The following GRHL2 variants were observed in gnomAD, a reference collection of about 807,000 sequenced individuals.
GRHL2 encodes the protein grainyhead-like protein 2 homolog.
A neutral mutation model predicts 83.8 loss-of-function variants in GRHL2; 21 were observed. The observed-to-expected ratio is 0.25, with a 90% CI of 0.18 to 0.36. GRHL2 has a LOEUF of 0.36. Ranked by LOEUF, GRHL2 falls within the 10% of genes least tolerant of loss-of-function variation. The probability of loss-of-function intolerance (pLI) is 1.00; values close to 1 mark genes in which losing one functional copy is unlikely to be tolerated. For synonymous variants in GRHL2, 280 were observed against 278.9 expected (o/e 1.00, Z -0.04); for missense variants, 623 against 781.8 (o/e 0.80, Z 2.42).
At chr8:101,585,977 G>A (rs559360248) in intron 7 of GRHL2, among the ~76,000 whole-genome samples, 1 of 151,830 alleles carries the variant, frequency 6.6e-6, no homozygotes, top group Admixed American at 6.6e-5. Flanking sequence ...GAAGGGTCAG[G>A]ATTCTATCCC....
At chr8:101,492,858 T>G (rs1809993596) in intron 1 of GRHL2, 69 bp downstream of exon 1, 19 of 1,437,836 alleles carry the variant, frequency 1.3e-5, no homozygotes, top group Non-Finnish European at 1.8e-5. Context: ...TGGTTTGTTA[T>G]GTTTTTGTTT....
intron 1 of GRHL2, among the ~76,000 whole-genome samples, chr8:101,495,600 T>C (rs778989009): frequency 3.0e-4 from 45 of 152,302 alleles, no homozygotes; most frequent in South Asian, 6.2e-4. Context: ...ATAAAATATA[T>C]TTAGAGAACG....
rs71276990 is a variant in GRHL2, at chr8:101,624,562, G to GAACA, written c.1257+4865_1257+4866insAACA. On this transcript the variant is annotated intron_variant, in intron 9 of 15. Coordinates refer to ENST00000646743, the MANE Select transcript of GRHL2 (RefSeq NM_024915.4). Reference sequence around the variant, plus strand: ...GTACACAGTAGGACAGTACACAGTAGGACAGTACACAGTAGAACAGTTCAC... The same window carrying GAACA: ...GTACACAGTAGGACAGTACACAGTAGAACAGACAGTACACAGTAGAACAGTTCAC... Among the ~76,000 whole-genome samples the GAACA allele has an allele frequency of 6.6e-5, 10 of 150,548 alleles. 1 individual carries two copies. Among genetic ancestry groups the GAACA allele is most frequent in the Admixed American group, 6.0e-4 (9 of 15,106 alleles).
intron 15 of GRHL2, 49 bp downstream of exon 15, chr8:101,664,567 CATGATGCCTTAAAAATAAA>C: frequency 7.7e-7 from 1 of 1,300,262 alleles, no homozygotes; most frequent in East Asian, 2.3e-5. Context: ...GATAAATCCA[CATGATGCCTTAAAAATAAA>C]ATGATGCCTG....
rs750013092 is a variant in GRHL2 at position 101,558,542 on chromosome 8, G to T, written c.408G>T (p.Arg136=). 1.9e-6 allele frequency: 3 copies of T among 1,614,114 alleles called. No homozygotes were observed. Among genetic ancestry groups the T allele is most frequent in the East Asian group, 4.5e-5 (2 of 44,880 alleles). Reference sequence around the variant, plus strand: ...AAGATCACCTGGAGAATTCCAAGCGGGAACAGTACAGCATCAGCTTCCCCG... The same window carrying T: ...AAGATCACCTGGAGAATTCCAAGCGTGAACAGTACAGCATCAGCTTCCCCG... The part of the protein sequence containing the change: ...LNQDHLENSK[R]EQYSISFPES... The change falls in exon 4 of 16, where the codon CGG becomes CGT. Residue 136 remains arginine (R), a synonymous_variant. Coordinates refer to ENST00000646743, the MANE Select transcript of GRHL2 (RefSeq NM_024915.4).
intron 1 of GRHL2, among the ~76,000 whole-genome samples, chr8:101,511,676 T>A (rs988313453): frequency 1.7e-4 from 25 of 151,378 alleles, no homozygotes; most frequent in African/African-American, 3.2e-4. Flanking sequence ...TTTTTTTTTT[T>A]AAATATCTTC....
At chr8:101,671,372 G>C (rs2096551), downstream of GRHL2, among the ~76,000 whole-genome samples, 67,670 of 152,044 alleles carry the variant, frequency 0.45, 15,616 homozygotes, top group South Asian at 0.55. Flanking sequence ...TATCCCGCAC[G>C]TGGCTCGGAG....
chr8:101,525,007 A>G (rs1261123468), intron 1 of GRHL2, among the ~76,000 whole-genome samples: 1 of 151,904 alleles, frequency 6.6e-6, no homozygotes, highest in Non-Finnish European at 1.5e-5. Context: ...CAATGGCGCG[A>G]TCTCGGCTCA....
chr8:101,585,848 A>C (rs547871195), intron 7 of GRHL2, among the ~76,000 whole-genome samples: 1 of 152,144 alleles, frequency 6.6e-6, no homozygotes, highest in Non-Finnish European at 1.5e-5. Flanking sequence ...CAGTTACTGG[A>C]TACCTGTCTC....
intron 1 of GRHL2, among the ~76,000 whole-genome samples, chr8:101,530,276 A>G (rs1158309061): frequency 6.6e-6 from 1 of 151,994 alleles, no homozygotes; most frequent in Non-Finnish European, 1.5e-5. Flanking sequence ...TCTTTTCCAT[A>G]TTGGCTGTAA....
intron 14 of GRHL2, among the ~76,000 whole-genome samples, chr8:101,655,043 G>A (rs1235495137): frequency 2.0e-5 from 3 of 152,070 alleles, no homozygotes. Flanking sequence ...TTAGCCAGGT[G>A]TGGTGGTGCA....
intron 1 of GRHL2, among the ~76,000 whole-genome samples, chr8:101,494,377 C>T (rs1031479953): frequency 6.6e-6 from 1 of 152,164 alleles, no homozygotes; most frequent in Non-Finnish European, 1.5e-5. Context: ...CCGTTAGCCA[C>T]CGATGAGGAA....
At chr8:101,587,644 A>G (rs1433979408) in intron 7 of GRHL2, among the ~76,000 whole-genome samples, 1 of 151,890 alleles carries the variant, frequency 6.6e-6, no homozygotes, top group Non-Finnish European at 1.5e-5. Context: ...TCTGTTTGGG[A>G]CCTCATTATT....
At chr8:101,566,698 A>G (rs1322687592) in intron 4 of GRHL2, among the ~76,000 whole-genome samples, 1 of 151,174 alleles carries the variant, frequency 6.6e-6, no homozygotes, top group African/African-American at 2.4e-5. Flanking sequence ...CCCCCATACA[A>G]CCTTATCCAT....
intron 7 of GRHL2, among the ~76,000 whole-genome samples, chr8:101,589,649 A>C (rs1355667195): frequency 6.6e-6 from 1 of 152,262 alleles, no homozygotes; most frequent in Non-Finnish European, 1.5e-5. Context: ...AATCAAGCAC[A>C]TGTAAAATAT....
chr8:101,566,364 C>T (rs1382124914), intron 4 of GRHL2, among the ~76,000 whole-genome samples: 3 of 145,978 alleles, frequency 2.1e-5, no homozygotes, highest in South Asian at 4.4e-4. Flanking sequence ...CTATGAATGT[C>T]CCAGTTCTGT....
intron 7 of GRHL2, among the ~76,000 whole-genome samples, chr8:101,593,129 G>A (rs622785): frequency 0.95 from 144,855 of 152,214 alleles, 69,096 homozygotes; most frequent in African/African-American, 0.97. Flanking sequence ...GTATTTTAGT[G>A]GAGATGGGGT....
intron 9 of GRHL2, among the ~76,000 whole-genome samples, chr8:101,628,557 T>TGA (rs1268476073): frequency 5.9e-5 from 9 of 152,254 alleles, no homozygotes; most frequent in Non-Finnish European, 1.3e-4. Context: ...GGAATAATTC[T>TGA]GATTTTCCAG....
chr8:101,545,757 T>C (rs1811249347), intron 2 of GRHL2, among the ~76,000 whole-genome samples: 1 of 151,578 alleles, frequency 6.6e-6, no homozygotes, highest in African/African-American at 2.4e-5. Context: ...TTTTCTTCTA[T>C]GATGAAAAAA....
Sources: allele counts gnomAD v4.1 joint callset (sites outside exome capture counted in the v4.1 genomes callset), GRCh38; gene constraint gnomAD v4.1.1; transcripts MANE v1.5; gene names NCBI Gene and HGNC (gene_info 2026-07-23, HGNC 2026-07-21).